NPAS3: variants seen among roughly 807,000 people sequenced by gnomAD.
NPAS3 encodes the protein neuronal PAS domain protein 3, also known as neuronal PAS domain-containing protein 3.
NPAS3 carries 14 observed loss-of-function variants against 73.1 expected under a neutral mutation model. That is an observed-to-expected ratio of 0.19 (90% CI 0.13 to 0.30). The LOEUF (loss-of-function observed/expected upper bound fraction) is 0.30, where lower values mean the gene tolerates loss of function less well. NPAS3 is among the 10% of genes least tolerant of loss of function. The pLI, the probability that NPAS3 is intolerant of heterozygous loss-of-function variation, is 1.00. For synonymous variants in NPAS3, 620 were observed against 541.5 expected (o/e 1.14, Z -2.01); for missense variants, 1,096 against 1,250.0 (o/e 0.88, Z 1.86).
intron 3 of NPAS3, among the ~76,000 whole-genome samples, chr14:33,303,030 C>T (rs868538388): frequency 1.3e-5 from 2 of 151,938 alleles, no homozygotes; most frequent in Non-Finnish European, 2.9e-5. Flanking sequence ...AATGGCTTCT[C>T]GCAACTATTC....
chr14:33,391,548 C>G (rs1391489011), intron 4 of NPAS3, among the ~76,000 whole-genome samples: 1 of 152,136 alleles, frequency 6.6e-6, no homozygotes, highest in Non-Finnish European at 1.5e-5. Context: ...CATTCAGGCT[C>G]AGCCTATCTC....
At chr14:33,676,445 C>T (rs2059769828) in intron 6 of NPAS3, 60 bp downstream of exon 6, 1 of 1,413,952 alleles carries the variant, frequency 7.1e-7, no homozygotes, top group Admixed American at 2.6e-5. Context: ...AATGAGTGTG[C>T]TCAAGTTACC....
chr14:33,280,591 A>G (rs1036784224), intron 3 of NPAS3, among the ~76,000 whole-genome samples: 1 of 152,164 alleles, frequency 6.6e-6, no homozygotes, highest in African/African-American at 2.4e-5. Context: ...CTCTGATGCC[A>G]TGTTATGTGG....
At chr14:32,939,174 C>T (rs1042936370), upstream of NPAS3, 4 of 196,164 alleles carry the variant, frequency 2.0e-5, no homozygotes, top group East Asian at 1.5e-4. Context: ...CCCCGGCCAC[C>T]GCCCGCCGGG....
chr14:33,347,754 T>C (rs1019455105), intron 3 of NPAS3, among the ~76,000 whole-genome samples: 3 of 152,386 alleles, frequency 2.0e-5, no homozygotes, highest in African/African-American at 4.8e-5. Context: ...AAATCATTTC[T>C]AGATTACTTA....
intron 1 of NPAS3, among the ~76,000 whole-genome samples, chr14:33,038,496 T>C: frequency 6.6e-6 from 1 of 151,726 alleles, no homozygotes; most frequent in East Asian, 1.9e-4. Flanking sequence ...TTAAAGTATC[T>C]GTCTATTTAT....
intron 3 of NPAS3, among the ~76,000 whole-genome samples, chr14:33,287,610 A>C (rs2041930459): frequency 6.6e-6 from 1 of 152,116 alleles, no homozygotes; most frequent in Non-Finnish European, 1.5e-5. Flanking sequence ...CTCCACCTGC[A>C]TCCCTCTCCT....
intron 5 of NPAS3, chr14:33,608,677 G>T (rs1319359306): frequency 6.6e-6 from 1 of 152,090 alleles, no homozygotes; most frequent in African/African-American, 2.4e-5. Context: ...GGCTACACGT[G>T]CAGGTTTATT....
intron 9 of NPAS3, among the ~76,000 whole-genome samples, chr14:33,786,517 C>A (rs1036867570): frequency 1.3e-5 from 2 of 152,146 alleles, no homozygotes; most frequent in Non-Finnish European, 2.9e-5. Context: ...TCTGCCTATG[C>A]CCTAATCAGA....
chr14:33,713,993 T>C (rs2060891623), intron 6 of NPAS3, among the ~76,000 whole-genome samples: 1 of 152,128 alleles, frequency 6.6e-6, no homozygotes. Flanking sequence ...TCTCACCGGA[T>C]ATCCAAAAGG....
At chr14:33,144,396 A>C (rs773867736) in intron 2 of NPAS3, among the ~76,000 whole-genome samples, 2 of 152,206 alleles carry the variant, frequency 1.3e-5, no homozygotes, top group Non-Finnish European at 2.9e-5. Context: ...TTATTTTTAC[A>C]ATTTTTAAAT....
At chr14:33,050,506 T>C (rs1418999137) in intron 1 of NPAS3, among the ~76,000 whole-genome samples, 2 of 152,212 alleles carry the variant, frequency 1.3e-5, no homozygotes, top group Non-Finnish European at 2.9e-5. Flanking sequence ...CTCCATCTTA[T>C]CTGCATACCT....
At chr14:32,953,145 A>G (rs1011118860) in intron 1 of NPAS3, among the ~76,000 whole-genome samples, 8 of 152,018 alleles carry the variant, frequency 5.3e-5, no homozygotes, top group Non-Finnish European at 1.2e-4. Flanking sequence ...GAAAAAAAAA[A>G]AAACAGAGTT....
chr14:32,979,230 A>G (rs911397851), intron 1 of NPAS3, among the ~76,000 whole-genome samples: 3 of 152,046 alleles, frequency 2.0e-5, no homozygotes, highest in Admixed American at 1.3e-4. Context: ...ATAACTCTTG[A>G]CTCTGCTGCT....
chr14:33,323,538 A>G (rs986467866), intron 3 of NPAS3, among the ~76,000 whole-genome samples: 2 of 152,192 alleles, frequency 1.3e-5, no homozygotes, highest in African/African-American at 4.8e-5. Context: ...ACAACTTTGT[A>G]TGTTATGTTT....
chr14:33,654,099 C>A (rs1465073667), intron 5 of NPAS3, among the ~76,000 whole-genome samples: 1 of 152,000 alleles, frequency 6.6e-6, no homozygotes, highest in African/African-American at 2.4e-5. Flanking sequence ...AGATAAGATA[C>A]AATGTTTAGT....
chr14:33,187,604 G>T (rs975808000), intron 2 of NPAS3, among the ~76,000 whole-genome samples: 1 of 152,176 alleles, frequency 6.6e-6, no homozygotes, highest in African/African-American at 2.4e-5. Flanking sequence ...AGCTGAGACA[G>T]GTTGATTGTT....
At chr14:33,466,081 G>C (rs1355590082) in intron 4 of NPAS3, among the ~76,000 whole-genome samples, 1 of 152,166 alleles carries the variant, frequency 6.6e-6, no homozygotes, top group East Asian at 1.9e-4. Flanking sequence ...GCATGCGCTT[G>C]AGCTTCGGGA....
At chr14:33,530,303 G>C (rs1341951694) in intron 4 of NPAS3, among the ~76,000 whole-genome samples, 1 of 152,050 alleles carries the variant, frequency 6.6e-6, no homozygotes, top group African/African-American at 2.4e-5. Context: ...AACAAACACA[G>C]GCTAGTTTGC....
Sources: gnomAD v4.1 joint callset for allele counts (sites outside exome capture counted in the v4.1 genomes callset) on GRCh38, gnomAD v4.1.1 for gene constraint, MANE v1.5 for transcripts, NCBI Gene and HGNC (gene_info 2026-07-23, HGNC 2026-07-21) for gene names.